The following AFDN variants were observed in gnomAD, a reference collection of about 807,000 sequenced individuals.
AFDN encodes the protein afadin.
AFDN carries 68 observed loss-of-function variants against 216.6 expected under a neutral mutation model. The observed-to-expected ratio is 0.31, with a 90% CI of 0.26 to 0.38. The LOEUF is 0.38. Among genes scored for constraint, AFDN ranks in the 10% least tolerant of loss-of-function variants. The probability of loss-of-function intolerance (pLI) is 1.00; values close to 1 mark genes in which losing one functional copy is unlikely to be tolerated. For synonymous variants in AFDN, 868 were observed against 853.7 expected, an observed-to-expected ratio of 1.02 and a Z score of -0.29; for missense variants, 2,136 against 2,342.0, an observed-to-expected ratio of 0.91 and a Z score of 1.82.
intron 23 of AFDN, among the ~76,000 whole-genome samples, chr6:167,940,093 A>C (rs561030964): frequency 6.6e-6 from 1 of 152,316 alleles, no homozygotes; most frequent in South Asian, 2.1e-4. Context: ...GACTATGGTG[A>C]ATGATTTCTA....
chr6:167,923,845 G>A (rs1456866430), intron 22 of AFDN, among the ~76,000 whole-genome samples: 2 of 151,620 alleles, frequency 1.3e-5, no homozygotes, highest in Non-Finnish European at 2.9e-5. Context: ...GCCTGGTCTC[G>A]AACTCCTGAC....
At position 167,951,477 on chromosome 6, in the gene AFDN, C is replaced by A; in HGVS notation, c.4123C>A (p.Pro1375Thr). The A allele has an allele frequency of 9.9e-6, 16 of 1,613,884 alleles. No homozygotes were observed. Among genetic ancestry groups the A allele is most frequent in the Non-Finnish European group, 1.4e-5 (16 of 1,179,912 alleles). The change falls in exon 30 of 34, where the codon CCC becomes ACC. Residue 1375 changes from proline (P) to threonine (T), a missense_variant. Pro to Thr is a conservative substitution (Grantham distance 38). Transcript: ENST00000683244. The surrounding 1 kb of genome is among the most constrained non-coding windows in gnomAD (Gnocchi z 7.1). ...AATCCGAACAGACCTGCCTCCGCCACCCCCGCCACCTCCAGTCCACTATGC... is the reference window on the plus strand; with the variant it reads ...AATCCGAACAGACCTGCCTCCGCCAACCCCGCCACCTCCAGTCCACTATGC... Reference protein sequence around the residue: ...QPIRTDLPPPPPPPPVHYAGD... With the variant: ...QPIRTDLPPPTPPPPVHYAGD...
intron 13 of AFDN, among the ~76,000 whole-genome samples, chr6:167,908,225 G>A (rs78859491): frequency 0.016 from 2,469 of 152,348 alleles, 32 homozygotes; most frequent in Non-Finnish European, 0.024. Flanking sequence ...CAGTTCAGTT[G>A]CAGGTGACGA....
At chr6:167,891,562 A>G (rs1317963374) in intron 8 of AFDN, among the ~76,000 whole-genome samples, 1 of 152,108 alleles carries the variant, frequency 6.6e-6, no homozygotes, top group African/African-American at 2.4e-5. Context: ...GTAACAGACT[A>G]CATTTATTTT....
Position 167,951,976 on chromosome 6 carries a change from A to G in AFDN, c.4622A>G (p.Asp1541Gly). The G allele has an allele frequency of 6.2e-7, 1 of 1,614,204 alleles. No individual in the cohort carries two copies. The highest frequency in any genetic ancestry group is 1.1e-5 in the South Asian group (1 of 91,080). The change falls in exon 30 of 34, where the codon GAC becomes GGC. Residue 1541 changes from aspartate to glycine, a missense_variant. Transcript: ENST00000683244. The surrounding 1 kb of genome is among the most constrained non-coding windows in gnomAD (Gnocchi z 7.1). ...LEKQQQMHIV[D>G]MLSKEIQELQ... is the part of the protein sequence containing the mutation. Reference sequence around the variant, plus strand: ...AAGCAGCAGCAGATGCACATCGTGGACATGCTGAGCAAGGAGATCCAGGAG... The same window carrying G: ...AAGCAGCAGCAGATGCACATCGTGGGCATGCTGAGCAAGGAGATCCAGGAG...
intron 21 of AFDN, among the ~76,000 whole-genome samples, chr6:167,920,772 G>A (rs747869455): frequency 1.3e-5 from 2 of 152,078 alleles, no homozygotes; most frequent in Non-Finnish European, 1.5e-5. Flanking sequence ...TGCTGTTACC[G>A]TTGTCGGTAC....
chr6:167,943,862 T>C (rs745627006), intron 25 of AFDN, 79 bp from the exon 26 acceptor site: 24 of 1,180,940 alleles, frequency 2.0e-5, no homozygotes, highest in Non-Finnish European at 3.0e-5. Context: ...TGATTTTCCA[T>C]TGCTATAATC....
At chr6:167,907,393 A>T (rs557574175) in intron 13 of AFDN, 104 bp downstream of exon 13, 21 of 849,334 alleles carry the variant, frequency 2.5e-5, no homozygotes, top group Non-Finnish European at 3.6e-5. Context: ...TGACATGTTT[A>T]CAATGTTAGC....
At chr6:167,942,685 TCTTA>T (rs1429887725) in intron 23 of AFDN, among the ~76,000 whole-genome samples, 2 of 152,352 alleles carry the variant, frequency 1.3e-5, no homozygotes, top group Non-Finnish European at 2.9e-5. Context: ...TATGATTTTC[TCTTA>T]CTAAGTTCCT....
chr6:167,851,885 A>G (rs1400649172), intron 1 of AFDN, among the ~76,000 whole-genome samples: 1 of 152,220 alleles, frequency 6.6e-6, no homozygotes, highest in Non-Finnish European at 1.5e-5. Flanking sequence ...TTTTTAAAAA[A>G]AACAGGTTTA....
rs566711475 is a variant in AFDN, at chr6:167,902,472, C to T, written c.1650+86C>T. 6 of 1,005,514 alleles carry T rather than the reference C, an allele frequency of 6.0e-6. No individual in the cohort carries two copies. In the East Asian group the frequency reaches 1.2e-4, roughly 21 times the overall value. 62.3% of individuals were successfully genotyped at this position (1,005,514 alleles called of 1,614,324 possible). A position where few individuals can be genotyped will look rare whatever the true frequency, so the allele number is the denominator to read the frequency against. On this transcript the variant is annotated intron_variant, in intron 12 of 33. Coordinates refer to ENST00000683244, the MANE Select transcript of AFDN (RefSeq NM_001386888.1). ...CAGTAGTGGTGGGGGATGTGTTCCC[C>T]TTATTTGTGGGGGATGTGTTCCAAG...
At chr6:167,901,407 G>C (rs997577791) in intron 11 of AFDN, among the ~76,000 whole-genome samples, 2 of 152,118 alleles carry the variant, frequency 1.3e-5, no homozygotes, top group Non-Finnish European at 2.9e-5. Context: ...CAGCTTGTTA[G>C]ACTCTTCAAT....
chr6:167,918,022 G>C (rs1219852021), intron 20 of AFDN, among the ~76,000 whole-genome samples: 2 of 152,190 alleles, frequency 1.3e-5, no homozygotes, highest in East Asian at 3.9e-4. Context: ...ATAGAAGCCT[G>C]AAAACCATGT....
intron 1 of AFDN, among the ~76,000 whole-genome samples, chr6:167,860,159 CTTTTTTTTTTTTTTTTT>C (rs370176215): frequency 2.5e-5 from 2 of 79,370 alleles, no homozygotes; most frequent in Non-Finnish European, 4.6e-5. Context: ...TACAGCAATG[CTTTTTTTTTTTTTTTTT>C]TTTTTTTTTT....
At chr6:167,831,860 A>C (rs1402071627) in intron 1 of AFDN, among the ~76,000 whole-genome samples, 1 of 152,230 alleles carries the variant, frequency 6.6e-6, no homozygotes, top group Non-Finnish European at 1.5e-5. Flanking sequence ...GTTTATAAAC[A>C]GTTTTACCAG....
At chr6:167,902,254 A>T (rs1362256261) in intron 11 of AFDN, 63 bp from the exon 12 acceptor site, 1 of 1,209,496 alleles carries the variant, frequency 8.3e-7, no homozygotes, top group African/African-American at 1.5e-5. Context: ...GTGTATTAAG[A>T]AGAGACTATG....
intron 1 of AFDN, among the ~76,000 whole-genome samples, chr6:167,850,371 T>TGAA (rs1782163598): frequency 6.6e-6 from 1 of 152,224 alleles, no homozygotes; most frequent in African/African-American, 2.4e-5. Context: ...TGCAGTACTT[T>TGAA]GAAGATATTT....
At chr6:167,915,128 G>T in intron 18 of AFDN, 40 bp from the exon 19 acceptor site, 1 of 1,603,444 alleles carries the variant, frequency 6.2e-7, no homozygotes. Flanking sequence ...CTTCCTGGAT[G>T]ACATTTTGCT....
At chr6:167,954,376 G>T (rs1055248423) in intron 30 of AFDN, 2 of 1,112,728 alleles carry the variant, frequency 1.8e-6, no homozygotes, top group East Asian at 5.0e-5. Flanking sequence ...AAAATATGCC[G>T]ATGGCAGATT....
Sources: allele counts gnomAD v4.1 joint callset (sites outside exome capture counted in the v4.1 genomes callset), GRCh38; gene constraint gnomAD v4.1.1; non-coding constraint Gnocchi (gnomAD v3.1); transcripts MANE v1.5; gene names NCBI Gene and HGNC (gene_info 2026-07-23, HGNC 2026-07-21).